Variants in CYTH4 observed in about 807,000 individuals in gnomAD.
CYTH4 encodes the protein cytohesin 4.
Under a neutral mutation model 57.5 loss-of-function variants are expected in CYTH4, and 22 were observed. The ratio of observed to expected loss-of-function variants is 0.38; its 90% CI spans 0.27 to 0.55. The LOEUF (loss-of-function observed/expected upper bound fraction) is 0.55. Ranked by LOEUF, CYTH4 falls within the 20% of genes least tolerant of loss-of-function variation. The pLI is 0.74. For synonymous variants in CYTH4, 186 were observed against 206.5 expected, an observed-to-expected ratio of 0.90 and a Z score of 0.85; for missense variants, 420 against 535.6, an observed-to-expected ratio of 0.78 and a Z score of 2.13.
chr22:37,306,591 G>A (rs1203648951), intron 8 of CYTH4, among the ~76,000 whole-genome samples: 1 of 152,214 alleles, frequency 6.6e-6, no homozygotes, highest in Non-Finnish European at 1.5e-5. Flanking sequence ...CCAGCTACCA[G>A]TTACTTCCTA....
intron 5 of CYTH4, chr22:37,297,912 G>C: frequency 2.4e-6 from 1 of 414,270 alleles, no homozygotes; most frequent in Non-Finnish European, 4.6e-6. Flanking sequence ...TGTGTTCCAG[G>C]CACCATCCTA....
intron 1 of CYTH4, 77 bp downstream of exon 1, chr22:37,282,665 G>A: frequency 3.8e-6 from 5 of 1,299,030 alleles, no homozygotes; most frequent in Non-Finnish European, 5.3e-6. Context: ...TGCCTCACAG[G>A]GTCCTAGATA....
rs376472279 is a variant in CYTH4, at chr22:37,292,718, G to T, written c.102+15G>T. The T allele has an allele frequency of 3.1e-6, 5 of 1,612,360 alleles. No individual in the cohort carries two copies. The South Asian group carries it at 4.4e-5, about 14-fold the overall frequency. ...AGGACATCCAGGTGAGTGCACACTC[G>T]TGTCCACACACGTGTCCATGCCCAC... On this transcript the variant is annotated intron_variant, in intron 2 of 12. Coordinates refer to ENST00000248901, the MANE Select transcript of CYTH4 (RefSeq NM_013385.5).
At chr22:37,289,941 C>G (rs1425996339) in intron 1 of CYTH4, among the ~76,000 whole-genome samples, 2 of 152,204 alleles carry the variant, frequency 1.3e-5, no homozygotes, top group African/African-American at 2.4e-5. Flanking sequence ...AAGAGTGGCA[C>G]CCACACCTGC....
intron 6 of CYTH4, among the ~76,000 whole-genome samples, 179 bp downstream of exon 6, chr22:37,299,485 G>A (rs1929104933): frequency 6.6e-6 from 1 of 152,176 alleles, no homozygotes; most frequent in South Asian, 2.1e-4. Flanking sequence ...GGACCGCCTG[G>A]GAAAGGGCCT....
rs116115823 is a variant in CYTH4 at position 37,295,656 on chromosome 22, G to A, written c.168-343G>A. Among the ~76,000 whole-genome samples, 3,024 of 152,266 alleles carry A rather than the reference G, an allele frequency of 0.02. 103 individuals carry two copies. Among genetic ancestry groups the A allele is most frequent in the African/African-American group, 0.069 (2,865 of 41,542 alleles). On this transcript the variant is annotated intron_variant, in intron 3 of 12. Coordinates refer to ENST00000248901, the MANE Select transcript of CYTH4 (RefSeq NM_013385.5). This position sits in a 1 kb window ranked among gnomAD's most constrained non-coding sequence, Gnocchi z 4.1. ...GCCCAAAGCAGCCCGGCTCAGATTCGCATCCAGGAGCCTGGCTCCAGCACC... is the reference window on the plus strand; with the variant it reads ...GCCCAAAGCAGCCCGGCTCAGATTCACATCCAGGAGCCTGGCTCCAGCACC...
intron 2 of CYTH4, among the ~76,000 whole-genome samples, chr22:37,294,304 G>T (rs978666153): frequency 3.3e-5 from 5 of 151,182 alleles, no homozygotes; most frequent in Non-Finnish European, 5.9e-5. Context: ...CCGGCTTGTC[G>T]GGTAGGCTCG....
At chr22:37,312,247 T>C in intron 12 of CYTH4, 73 bp downstream of exon 12, 1 of 1,576,084 alleles carries the variant, frequency 6.3e-7, no homozygotes, top group Non-Finnish European at 8.7e-7. Context: ...GGGTCTTGCT[T>C]CCTTATCTGT....
chr22:37,309,691 G>C (rs1929565244), intron 9 of CYTH4, among the ~76,000 whole-genome samples: 1 of 152,206 alleles, frequency 6.6e-6, no homozygotes, highest in Non-Finnish European at 1.5e-5. Flanking sequence ...GCTCAGGCAA[G>C]GTGCTGGTCC....
At chr22:37,300,779 C>T in intron 6 of CYTH4, 128 bp from the exon 7 acceptor site, 1 of 744,962 alleles carries the variant, frequency 1.3e-6, no homozygotes, top group Non-Finnish European at 2.2e-6. Context: ...CCCCGTCAGC[C>T]CAGATGACAG....
chr22:37,309,383 C>G (rs905710195), intron 9 of CYTH4, 60 bp downstream of exon 9: 1 of 1,440,708 alleles, frequency 6.9e-7, no homozygotes, highest in African/African-American at 1.4e-5. Flanking sequence ...GGGCACACAT[C>G]GTTGCATGCA....
intron 7 of CYTH4, 133 bp from the exon 8 acceptor site, chr22:37,303,121 C>A: frequency 5.9e-6 from 8 of 1,355,104 alleles, no homozygotes; most frequent in Non-Finnish European, 7.8e-6. Flanking sequence ...GAGGCTGGGC[C>A]TCAAAGCCCA....
chr22:37,306,284 A>C (rs1929391830), intron 8 of CYTH4, among the ~76,000 whole-genome samples: 1 of 152,208 alleles, frequency 6.6e-6, no homozygotes, highest in East Asian at 1.9e-4. Flanking sequence ...AGGCAGAGTA[A>C]CAGTCTCCCA....
chr22:37,288,505 G>A (rs867282228), intron 1 of CYTH4, among the ~76,000 whole-genome samples: 1 of 152,004 alleles, frequency 6.6e-6, no homozygotes, highest in East Asian at 1.9e-4. Flanking sequence ...AGAATCGCTT[G>A]AACCTGGGAG....
chr22:37,302,551 G>A (rs906736771), intron 7 of CYTH4, among the ~76,000 whole-genome samples: 1 of 152,184 alleles, frequency 6.6e-6, no homozygotes, highest in South Asian at 2.1e-4. Context: ...TCCAGAACAG[G>A]CAGTTACTTC....
At chr22:37,291,808 T>A (rs1296764453) in intron 1 of CYTH4, among the ~76,000 whole-genome samples, 1 of 152,200 alleles carries the variant, frequency 6.6e-6, no homozygotes, top group African/African-American at 2.4e-5. Context: ...GTTGTGGGCA[T>A]CATCACAGCA....
In CYTH4 at chr22:37,294,687, T is replaced by A. The variant is rs1453304830; in HGVS notation, c.130T>A (p.Phe44Ile). 4 of 1,613,518 alleles carry A rather than the reference T, an allele frequency of 2.5e-6. No individual in the cohort carries two copies. ...GCTGAAGGATGAGATTGCAGATGTG[T>A]TTGCCCAAATCGACTGCTTCGAGAG... The part of the protein sequence containing the change: ...QKLKDEIADV[F>I]AQIDCFESAE... The change falls in exon 3 of 13, where the codon TTT becomes ATT. Residue 44 changes from phenylalanine to isoleucine, a missense_variant. Transcript: ENST00000248901.
rs1388354320 is a variant in CYTH4 at position 37,314,066 on chromosome 22, C to T, written c.*555C>T. On this transcript the variant is annotated 3_prime_UTR_variant, in exon 13 of 13. Coordinates refer to ENST00000248901, the MANE Select transcript of CYTH4 (RefSeq NM_013385.5). Reference sequence around the variant, plus strand: ...CACGGACAGGACCCCGGGACAGAACCCCGGGAGCACTGCCCTAGGAGCCCG... The same window carrying T: ...CACGGACAGGACCCCGGGACAGAACTCCGGGAGCACTGCCCTAGGAGCCCG... 1 of 319,560 alleles carries T rather than the reference C, an allele frequency of 3.1e-6. No individual in the cohort carries two copies. The highest frequency in any genetic ancestry group is 5.7e-6 in the Non-Finnish European group (1 of 175,960). 19.8% of individuals were successfully genotyped at this position (319,560 alleles called of 1,614,324 possible).
rs191501329 is a variant in CYTH4 at position 37,295,539 on chromosome 22, C to G, written c.168-460C>G. ...CACCTACGCCTCACTGTTTTAGGTG[C>G]TTTAACCTCTCAACAATGCTGGGAG... On this transcript the variant is annotated intron_variant, in intron 3 of 12. Transcript: ENST00000248901. The surrounding 1 kb of genome is among the most constrained non-coding windows in gnomAD (Gnocchi z 4.1). 3.0e-3 allele frequency among the ~76,000 whole-genome samples: 450 copies of G among 152,260 alleles called. 5 individuals are homozygous for G. Among genetic ancestry groups the G allele is most frequent in the African/African-American group, 0.01 (428 of 41,556 alleles).
Sources: allele counts gnomAD v4.1 joint callset (sites outside exome capture counted in the v4.1 genomes callset), GRCh38; gene constraint gnomAD v4.1.1; non-coding constraint Gnocchi (gnomAD v3.1); transcripts MANE v1.5; gene names NCBI Gene and HGNC (gene_info 2026-07-23, HGNC 2026-07-21).